The following LRTM1 variants were observed in gnomAD, a reference collection of about 807,000 sequenced individuals.
The protein encoded by LRTM1 is leucine-rich repeat and transmembrane domain-containing protein 1.
LRTM1 carries 38 observed loss-of-function variants against 32.4 expected under a neutral mutation model. The ratio of observed to expected loss-of-function variants is 1.17; its 90% CI spans 0.91 to 1.54. The LOEUF (loss-of-function observed/expected upper bound fraction) is 1.54. Among genes scored for constraint, LRTM1 ranks in the 40% most tolerant of loss-of-function variants. The pLI is 0.00. For synonymous variants in LRTM1, 186 were observed against 169.9 expected (o/e 1.09, Z -0.74); for missense variants, 466 against 415.4 (o/e 1.12, Z -1.06).
intron 1 of LRTM1, among the ~76,000 whole-genome samples, chr3:54,957,814 C>T (rs1477629146): frequency 6.6e-6 from 1 of 152,174 alleles, no homozygotes; most frequent in Non-Finnish European, 1.5e-5. Context: ...TACACAGTCC[C>T]CCAGACACAA....
chr3:54,963,241 A>AC (rs1350359956), intron 1 of LRTM1, among the ~76,000 whole-genome samples: 1 of 152,028 alleles, frequency 6.6e-6, no homozygotes, highest in African/African-American at 2.4e-5. Context: ...AACCCCCTAT[A>AC]CCTAAGTCAT....
chr3:54,919,914 C>G (rs773751872), intron 2 of LRTM1, among the ~76,000 whole-genome samples: 1 of 152,194 alleles, frequency 6.6e-6, no homozygotes, highest in South Asian at 2.1e-4. Context: ...CTCGCTGCCT[C>G]GCCACATCCT....
At chr3:54,940,433 C>A (rs2106982188) in intron 1 of LRTM1, among the ~76,000 whole-genome samples, 1 of 152,254 alleles carries the variant, frequency 6.6e-6, no homozygotes, top group South Asian at 2.1e-4. Flanking sequence ...TTAAACTGTT[C>A]CTCACTGATA....
intron 1 of LRTM1, among the ~76,000 whole-genome samples, chr3:54,935,214 A>G (rs1279024794): frequency 6.6e-6 from 1 of 152,120 alleles, no homozygotes; most frequent in Non-Finnish European, 1.5e-5. Context: ...TAGACCATCT[A>G]AGTCTACCTC....
chr3:54,925,087 A>T lies in LRTM1; in HGVS notation c.136T>A (p.Ser46Thr). 6.2e-7 allele frequency: 1 copy of T among 1,614,120 alleles called. No individual in the cohort carries two copies. The highest frequency in any genetic ancestry group is 2.2e-5 in the East Asian group (1 of 44,862). The change falls in exon 2 of 3, where the codon TCC (serine) becomes ACC (threonine). Residue 46 changes from serine to threonine, a missense_variant. Ser to Thr is a moderately conservative substitution (Grantham distance 58, BLOSUM62 1). Coordinates refer to ENST00000273286, the MANE Select transcript of LRTM1 (RefSeq NM_020678.4). ...GTTCGAGTCTGAGGAGGTAAATGGG[A>T]AGGGATTTCGGCCAGACCCTGCTGG... ...CSQQGLAEIP[S>T]HLPPQTRTLH...
intron 1 of LRTM1, among the ~76,000 whole-genome samples, chr3:54,957,550 C>A (rs1209473599): frequency 6.6e-6 from 1 of 152,196 alleles, no homozygotes; most frequent in Non-Finnish European, 1.5e-5. Context: ...GAAGCCAAAG[C>A]ATGTTCAAAC....
At chr3:54,952,441 A>G (rs554890985) in intron 1 of LRTM1, among the ~76,000 whole-genome samples, 3 of 152,322 alleles carry the variant, frequency 2.0e-5, no homozygotes, top group African/African-American at 4.8e-5. Flanking sequence ...TTGGGCTCTC[A>G]GAGACAGATC....
rs370021153 is a variant in LRTM1, at chr3:54,940,083, C to T, written c.-221-14868G>A. On this transcript the variant is annotated intron_variant, in intron 1 of 2. Transcript: ENST00000493075. ...CTTACAGCCTTCCCACTGGACAGCTCAATCTTCTATGGTCAGGAAAAAACC... is the reference window on the plus strand; with the variant it reads ...CTTACAGCCTTCCCACTGGACAGCTTAATCTTCTATGGTCAGGAAAAAACC... 5.9e-5 allele frequency among the ~76,000 whole-genome samples: 9 copies of T among 152,288 alleles called. No homozygotes were observed. In the East Asian group the frequency reaches 9.7e-4, roughly 16 times the overall value.
chr3:54,927,075 A>G (rs992816957), intron 1 of LRTM1, among the ~76,000 whole-genome samples: 2 of 152,244 alleles, frequency 1.3e-5, no homozygotes, highest in Admixed American at 6.5e-5. Context: ...AACTCAAAAT[A>G]GTTATCTACT....
chr3:54,931,300 G>A (rs539149033), upstream of LRTM1, among the ~76,000 whole-genome samples: 57 of 152,268 alleles, frequency 3.7e-4, no homozygotes, highest in Admixed American at 1.3e-3. Context: ...GACCCCAATT[G>A]GGGGTTAAAA....
intron 1 of LRTM1, among the ~76,000 whole-genome samples, chr3:54,960,637 G>A (rs1221082591): frequency 6.6e-6 from 1 of 152,148 alleles, no homozygotes; most frequent in African/African-American, 2.4e-5. Context: ...TTCTAAGAAA[G>A]CTTTTGAATT....
intron 1 of LRTM1, among the ~76,000 whole-genome samples, chr3:54,939,466 A>G (rs901382543): frequency 1.3e-5 from 2 of 152,202 alleles, no homozygotes; most frequent in Admixed American, 1.3e-4. Flanking sequence ...GGGCCAAGAC[A>G]TTCACCTTTG....
chr3:54,961,471 TC>T, intron 1 of LRTM1, among the ~76,000 whole-genome samples: 1 of 152,378 alleles, frequency 6.6e-6, no homozygotes, highest in African/African-American at 2.4e-5. Context: ...ACTACAATTT[TC>T]TACTATATTC....
intron 1 of LRTM1, among the ~76,000 whole-genome samples, chr3:54,949,514 T>C (rs1314781677): frequency 1.3e-5 from 2 of 152,114 alleles, no homozygotes; most frequent in Non-Finnish European, 2.9e-5. Context: ...GCAGGTTGGG[T>C]TCAATGGCCC....
chr3:54,949,189 G>A (rs993581151), intron 1 of LRTM1, among the ~76,000 whole-genome samples: 1 of 152,102 alleles, frequency 6.6e-6, no homozygotes, highest in African/African-American at 2.4e-5. Flanking sequence ...ATATAGTTTT[G>A]GTCAGTGCCT....
chr3:54,961,032 G>A (rs556598981), intron 1 of LRTM1, among the ~76,000 whole-genome samples: 83 of 152,268 alleles, frequency 5.5e-4, no homozygotes, highest in Admixed American at 9.8e-4. Context: ...ATTCAGATTC[G>A]TTGTTAGTTC....
upstream of LRTM1, among the ~76,000 whole-genome samples, chr3:54,930,863 T>A (rs1203131175): frequency 6.6e-6 from 1 of 152,152 alleles, no homozygotes; most frequent in East Asian, 1.9e-4. Context: ...TTTGGGAGGC[T>A]GAGTAGGTGG....
chr3:54,958,568 C>T (rs904813061), intron 1 of LRTM1, among the ~76,000 whole-genome samples: 1 of 152,132 alleles, frequency 6.6e-6, no homozygotes, highest in African/African-American at 2.4e-5. Flanking sequence ...GGGATTGGGA[C>T]GTCTCCTGAG....
At position 54,918,888 on chromosome 3, in the gene LRTM1, T is replaced by G. The variant is rs753278376; in HGVS notation, c.609A>C (p.Gly203=). Reference sequence around the variant, plus strand: ...ATTCACAGATGATGCCGTCTGTTAGTCCCCCTTTAAAAAACAAAAGCAAAG... The same window carrying G: ...ATTCACAGATGATGCCGTCTGTTAGGCCCCCTTTAAAAAACAAAAGCAAAG... ...LWLEKFVYKG[G]LTDGIICESP... The change falls in exon 3 of 3, where the codon GGA becomes GGC. Residue 203 remains glycine, a synonymous_variant. Transcript: ENST00000273286. 1.8e-5 allele frequency: 27 copies of G among 1,524,108 alleles called. No individual in the cohort carries two copies. Among genetic ancestry groups the G allele is most frequent in the Non-Finnish European group, 2.4e-5 (27 of 1,136,072 alleles). 94.4% of individuals were successfully genotyped at this position (1,524,108 alleles called of 1,614,324 possible). A position where few individuals can be genotyped will look rare whatever the true frequency, so the allele number is the denominator to read the frequency against.
Sources: allele counts gnomAD v4.1 joint callset (sites outside exome capture counted in the v4.1 genomes callset), GRCh38; gene constraint gnomAD v4.1.1; transcripts MANE v1.5; gene names NCBI Gene and HGNC (gene_info 2026-07-23, HGNC 2026-07-21).